ANKRD44: variants seen among roughly 807,000 people sequenced by gnomAD.
The protein encoded by ANKRD44 is ankyrin repeat domain 44, also known as serine/threonine-protein phosphatase 6 regulatory ankyrin repeat subunit B.
Under a neutral mutation model 116.0 loss-of-function variants are expected in ANKRD44, and 35 were observed. The observed-to-expected ratio is 0.30, with a 90% CI of 0.23 to 0.40. The LOEUF (loss-of-function observed/expected upper bound fraction) is 0.40, where lower values mean the gene tolerates loss of function less well. ANKRD44 is among the 10% of genes least tolerant of loss of function. The pLI is 1.00. For synonymous variants in ANKRD44, 435 were observed against 461.8 expected (o/e 0.94, Z 0.74); for missense variants, 1,014 against 1,242.6 (o/e 0.82, Z 2.77).
rs946748517 is a variant in ANKRD44 at position 196,987,409 on chromosome 2, T to C, written c.*2182A>G. 7 of 985,074 alleles carry C rather than the reference T, an allele frequency of 7.1e-6. No homozygotes were observed. Among genetic ancestry groups the C allele is most frequent in the South Asian group, 4.7e-5 (1 of 21,288 alleles). 61.0% of individuals were successfully genotyped at this position (985,074 alleles called of 1,614,324 possible). A position where few individuals can be genotyped will look rare whatever the true frequency, so the allele number is the denominator to read the frequency against. On this transcript the variant is annotated 3_prime_UTR_variant, in exon 28 of 28. Transcript: ENST00000282272. The stretch of plus-strand genomic sequence containing the variant: ...CATTCCACAGAACATTTTCAGAATA[T>C]ACAAATATAAAAAGGCACTCTAACT...
Position 197,112,038 on chromosome 2 carries a change from C to T in ANKRD44, c.907-1194G>A, listed in dbSNP as rs573263356. ...TACCAATCATCATTATACTAAATACCAAGATACCATATGTAACTAAGAAAT... is the reference window on the plus strand; with the variant it reads ...TACCAATCATCATTATACTAAATACTAAGATACCATATGTAACTAAGAAAT... On this transcript the variant is annotated intron_variant, in intron 8 of 27. Transcript: ENST00000282272. Among the ~76,000 whole-genome samples the T allele has an allele frequency of 2.6e-5, 4 of 152,146 alleles. No individual in the cohort carries two copies. The South Asian group carries it at 8.3e-4, about 32-fold the overall frequency.
At chr2:197,119,914 C>T (rs751716819) in intron 8 of ANKRD44, among the ~76,000 whole-genome samples, 2 of 152,176 alleles carry the variant, frequency 1.3e-5, no homozygotes, top group South Asian at 2.1e-4. Context: ...TGTCACATGG[C>T]AAGCTGACAA....
intron 16 of ANKRD44, among the ~76,000 whole-genome samples, chr2:197,046,777 A>G (rs1409395348): frequency 1.3e-5 from 2 of 152,228 alleles, no homozygotes; most frequent in African/African-American, 4.8e-5. Flanking sequence ...AGACTTTGTA[A>G]ATCTTTACTG....
chr2:197,055,537 T>A (rs1574363391), intron 16 of ANKRD44, among the ~76,000 whole-genome samples: 1 of 152,226 alleles, frequency 6.6e-6, no homozygotes, highest in East Asian at 1.9e-4. Context: ...ATGAAGATGT[T>A]CTCTTACGCT....
intron 1 of ANKRD44, among the ~76,000 whole-genome samples, chr2:197,256,390 G>T (rs1026880935): frequency 2.0e-5 from 3 of 152,122 alleles, no homozygotes; most frequent in African/African-American, 7.2e-5. Context: ...CAACTTTAAT[G>T]CTCCAAAATT....
chr2:197,023,259 T>G (rs2076531217), intron 17 of ANKRD44, among the ~76,000 whole-genome samples: 1 of 152,146 alleles, frequency 6.6e-6, no homozygotes, highest in Non-Finnish European at 1.5e-5. Context: ...CACTGAGACA[T>G]AAGAGGTGAG....
At chr2:197,087,035 A>C (rs1212649715) in intron 12 of ANKRD44, among the ~76,000 whole-genome samples, 1 of 152,216 alleles carries the variant, frequency 6.6e-6, no homozygotes, top group Non-Finnish European at 1.5e-5. Flanking sequence ...TAAACCCTCC[A>C]GTGATGGTTT....
intron 1 of ANKRD44, among the ~76,000 whole-genome samples, chr2:197,291,040 C>T (rs529742339): frequency 3.5e-4 from 53 of 151,964 alleles, no homozygotes; most frequent in African/African-American, 1.2e-3. Flanking sequence ...GAGACCCTGT[C>T]TGTACAAAAA....
At chr2:197,018,167 T>C (rs192495951) in intron 17 of ANKRD44, among the ~76,000 whole-genome samples, 1 of 152,352 alleles carries the variant, frequency 6.6e-6, no homozygotes, top group East Asian at 1.9e-4. Flanking sequence ...CTGCAATCTG[T>C]TATTAATGCA....
Position 197,285,918 on chromosome 2 carries a change from A to G in ANKRD44, c.27+24660T>C, listed in dbSNP as rs189763701. ...ATCAGGCCTTCCAGTTTGATTGCTAAGTGCCCAGTGGCAGTAATTCAACCA... is the reference window on the plus strand; with the variant it reads ...ATCAGGCCTTCCAGTTTGATTGCTAGGTGCCCAGTGGCAGTAATTCAACCA... On this transcript the variant is annotated intron_variant, in intron 1 of 27. Transcript: ENST00000282272. Among the ~76,000 whole-genome samples, 187 of 152,368 alleles carry G rather than the reference A, an allele frequency of 1.2e-3. 2 individuals carry two copies. The highest frequency in any genetic ancestry group is 4.2e-3 in the African/African-American group (175 of 41,590).
chr2:197,297,658 A>G (rs1327858659), intron 1 of ANKRD44, among the ~76,000 whole-genome samples: 1 of 152,210 alleles, frequency 6.6e-6, no homozygotes, highest in Admixed American at 6.5e-5. Context: ...CCAGACATCA[A>G]CTTTAGTATT....
intron 1 of ANKRD44, among the ~76,000 whole-genome samples, chr2:197,196,859 A>C (rs2080961758): frequency 2.0e-5 from 3 of 152,084 alleles, no homozygotes; most frequent in Admixed American, 1.3e-4. Flanking sequence ...TTCCACGTGC[A>C]TTCTTGGAAA....
At chr2:197,055,590 T>A (rs1470037040) in intron 16 of ANKRD44, among the ~76,000 whole-genome samples, 1 of 152,246 alleles carries the variant, frequency 6.6e-6, no homozygotes, top group Non-Finnish European at 1.5e-5. Flanking sequence ...CGTATAGATC[T>A]GCAATCCATC....
chr2:197,124,731 T>A (rs2125336484), intron 6 of ANKRD44, among the ~76,000 whole-genome samples: 1 of 152,354 alleles, frequency 6.6e-6, no homozygotes, highest in African/African-American at 2.4e-5. Context: ...AAAGGGAATA[T>A]CTTAGTTCTT....
chr2:197,280,665 G>C (rs1399003484), intron 1 of ANKRD44, among the ~76,000 whole-genome samples: 2 of 152,168 alleles, frequency 1.3e-5, no homozygotes, highest in Non-Finnish European at 2.9e-5. Flanking sequence ...TGGCGGACTA[G>C]GGATTGTACT....
At chr2:197,297,389 T>A (rs2105897921) in intron 1 of ANKRD44, among the ~76,000 whole-genome samples, 1 of 152,302 alleles carries the variant, frequency 6.6e-6, no homozygotes, top group South Asian at 2.1e-4. Flanking sequence ...TCAAATCATA[T>A]TTTCATAGAG....
intron 9 of ANKRD44, among the ~76,000 whole-genome samples, chr2:197,103,980 A>T (rs931488758): frequency 1.2e-4 from 19 of 152,318 alleles, no homozygotes; most frequent in Non-Finnish European, 2.8e-4. Context: ...ATGACTATAT[A>T]ATATCAGTAT....
At chr2:197,179,399 T>C (rs978363477) in intron 2 of ANKRD44, among the ~76,000 whole-genome samples, 3 of 152,222 alleles carry the variant, frequency 2.0e-5, no homozygotes, top group African/African-American at 7.2e-5. Context: ...ATCTTAAGTA[T>C]TGTCTTCTTT....
At chr2:197,188,692 G>T (rs543043590) in intron 1 of ANKRD44, among the ~76,000 whole-genome samples, 21 of 152,256 alleles carry the variant, frequency 1.4e-4, no homozygotes, top group African/African-American at 5.1e-4. Flanking sequence ...GTTTCACGAT[G>T]ACAAGATGGA....
Sources: gnomAD v4.1 joint callset for allele counts (sites outside exome capture counted in the v4.1 genomes callset) on GRCh38, gnomAD v4.1.1 for gene constraint, MANE v1.5 for transcripts, NCBI Gene and HGNC (gene_info 2026-07-23, HGNC 2026-07-21) for gene names.